Variants in GALNT13 observed in about 807,000 individuals in gnomAD.
GALNT13 encodes the protein UDP-GalNAc:polypeptide N-acetylgalactosaminyltransferase 13.
A neutral mutation model predicts 64.2 loss-of-function variants in GALNT13; 28 were observed. That is an observed-to-expected ratio of 0.44 (90% CI 0.32 to 0.60). The LOEUF (loss-of-function observed/expected upper bound fraction) is 0.60, where lower values mean the gene tolerates loss of function less well. GALNT13 is among the 20% of genes least tolerant of loss of function. GALNT13 has a pLI of 0.05. For missense variants in GALNT13, 577 were observed against 669.8 expected (o/e 0.86, Z 1.53); for synonymous variants, 214 against 224.6 (o/e 0.95, Z 0.42).
chr2:153,515,800 T>C, the GALNT13 span, among the ~76,000 whole-genome samples: 1 of 152,204 alleles, frequency 6.6e-6, no homozygotes, highest in Admixed American at 6.5e-5. Context: ...GAGAATGTTA[T>C]ATGTTGAAAG....
chr2:154,338,026 C>T (rs556754831), intron 9 of GALNT13, among the ~76,000 whole-genome samples: 9 of 152,130 alleles, frequency 5.9e-5, no homozygotes, highest in African/African-American at 2.2e-4. Context: ...TTTCAGCAGC[C>T]AGACTTGCAG....
At chr2:153,758,012 G>C in the GALNT13 span, among the ~76,000 whole-genome samples, 1 of 151,792 alleles carries the variant, frequency 6.6e-6, no homozygotes, top group African/African-American at 2.4e-5. Context: ...TCTATTTTTG[G>C]TTTTGTTCCC....
the GALNT13 span, among the ~76,000 whole-genome samples, chr2:153,720,250 CCTGT>C: frequency 2.1e-5 from 3 of 145,442 alleles, no homozygotes; most frequent in Non-Finnish European, 4.5e-5. Flanking sequence ...AGCTGAGGGT[CCTGT>C]CTGTTAGAAG....
the GALNT13 span, among the ~76,000 whole-genome samples, chr2:153,167,629 G>A: frequency 2.2e-3 from 335 of 152,210 alleles, 1 homozygote; most frequent in African/African-American, 7.8e-3. Flanking sequence ...ATTCTTCTGT[G>A]TCTTCCAGAA....
At chr2:153,280,538 A>G in the GALNT13 span, among the ~76,000 whole-genome samples, 16 of 152,236 alleles carry the variant, frequency 1.1e-4, no homozygotes, top group African/African-American at 3.1e-4. Context: ...TGCTTTTGCT[A>G]TATCCCAGAG....
chr2:153,151,484 A>G, the GALNT13 span, among the ~76,000 whole-genome samples: 1 of 152,172 alleles, frequency 6.6e-6, no homozygotes, highest in Non-Finnish European at 1.5e-5. Context: ...TACTGGGTAT[A>G]TACCCAAAGG....
intron 9 of GALNT13, among the ~76,000 whole-genome samples, chr2:154,374,992 T>G (rs1019228611): frequency 1.3e-5 from 2 of 152,012 alleles, no homozygotes; most frequent in African/African-American, 4.8e-5. Context: ...CAGAAATAAT[T>G]TTGTTGTTGT....
the GALNT13 span, among the ~76,000 whole-genome samples, chr2:153,695,872 G>T: frequency 6.6e-6 from 1 of 152,000 alleles, no homozygotes; most frequent in Non-Finnish European, 1.5e-5. Flanking sequence ...GTTTTGCAAG[G>T]ATAATGGAGT....
chr2:153,286,635 G>T, the GALNT13 span, among the ~76,000 whole-genome samples: 1 of 152,262 alleles, frequency 6.6e-6, no homozygotes, highest in East Asian at 1.9e-4. Context: ...AGACACCAGT[G>T]CATGCACTTC....
chr2:153,293,787 G>GTC, the GALNT13 span, among the ~76,000 whole-genome samples: 3 of 121,464 alleles, frequency 2.5e-5, no homozygotes, highest in Admixed American at 7.9e-5. Context: ...GTGTGTGTGT[G>GTC]TGTGTCTGTG....
At chr2:153,307,353 A>C in the GALNT13 span, among the ~76,000 whole-genome samples, 2 of 152,168 alleles carry the variant, frequency 1.3e-5, no homozygotes, top group African/African-American at 2.4e-5. Context: ...CATTACAATT[A>C]TGCACACAGA....
Position 154,156,427 on chromosome 2 carries a change from A to G in GALNT13, c.311+15922A>G, listed in dbSNP as rs1244230562. Among the ~76,000 whole-genome samples the G allele has an allele frequency of 2.6e-5, 4 of 152,146 alleles. No individual in the cohort carries two copies. The South Asian group carries it at 6.2e-4, about 24-fold the overall frequency. On this transcript the variant is annotated intron_variant, in intron 4 of 12. Coordinates refer to ENST00000392825, the MANE Select transcript of GALNT13 (RefSeq NM_052917.4). The stretch of plus-strand genomic sequence containing the variant: ...TTCCCCCATGACACAGTTTAAACAC[A>G]TGAATTAATAAATTATGTGATAATA...
intron 3 of GALNT13, among the ~76,000 whole-genome samples, chr2:154,086,377 C>T (rs1221794343): frequency 6.8e-6 from 1 of 147,418 alleles, no homozygotes; most frequent in Admixed American, 6.9e-5. Flanking sequence ...TATATATCAC[C>T]AATTCTATTT....
the GALNT13 span, among the ~76,000 whole-genome samples, chr2:153,636,855 T>C: frequency 6.6e-6 from 1 of 151,608 alleles, no homozygotes; most frequent in Admixed American, 6.6e-5. Context: ...GATAAATCAG[T>C]TGACATAGTC....
At chr2:153,490,307 A>C in the GALNT13 span, among the ~76,000 whole-genome samples, 1 of 152,198 alleles carries the variant, frequency 6.6e-6, no homozygotes, top group South Asian at 2.1e-4. Flanking sequence ...ATTTTTTAAA[A>C]AATGATTGGT....
chr2:153,543,838 A>C, the GALNT13 span, among the ~76,000 whole-genome samples: 1 of 152,358 alleles, frequency 6.6e-6, no homozygotes, highest in Non-Finnish European at 1.5e-5. Flanking sequence ...CATTTAAATG[A>C]GAACTTTTAA....
At chr2:154,095,358 T>G (rs753737277) in intron 3 of GALNT13, among the ~76,000 whole-genome samples, 7 of 151,908 alleles carry the variant, frequency 4.6e-5, no homozygotes, top group Non-Finnish European at 1.0e-4. Context: ...ATAATATATG[T>G]TACTGTATCA....
chr2:153,610,961 G>T, the GALNT13 span, among the ~76,000 whole-genome samples: 1 of 152,056 alleles, frequency 6.6e-6, no homozygotes, highest in Non-Finnish European at 1.5e-5. Context: ...TAAAATAAAG[G>T]TAAAATTATA....
chr2:154,385,373 A>G (rs1489549846), intron 9 of GALNT13, among the ~76,000 whole-genome samples: 1 of 151,878 alleles, frequency 6.6e-6, no homozygotes, highest in African/African-American at 2.4e-5. Flanking sequence ...CATTCAAGGG[A>G]TGATAATTAC....
Sources: allele counts gnomAD v4.1 joint callset (sites outside exome capture counted in the v4.1 genomes callset), GRCh38; gene constraint gnomAD v4.1.1; transcripts MANE v1.5; gene names NCBI Gene and HGNC (gene_info 2026-07-23, HGNC 2026-07-21).